Variants in ARHGAP22 observed in about 807,000 individuals in gnomAD.
The protein encoded by ARHGAP22 is Rho GTPase activating protein 22.
A neutral mutation model predicts 59.1 loss-of-function variants in ARHGAP22; 48 were observed. The observed-to-expected ratio is 0.81, with a 90% CI of 0.64 to 1.03. The LOEUF (loss-of-function observed/expected upper bound fraction) is 1.03, where lower values mean the gene tolerates loss of function less well. ARHGAP22 is among the 50% of genes least tolerant of loss of function. The probability of loss-of-function intolerance (pLI) is 0.00; values close to 1 mark genes in which losing one functional copy is unlikely to be tolerated. For missense variants in ARHGAP22, 1,015 were observed against 958.7 expected, an observed-to-expected ratio of 1.06 and a Z score of -0.78; for synonymous variants, 445 against 416.4, an observed-to-expected ratio of 1.07 and a Z score of -0.84.
At position 48,585,712 on chromosome 10, in the gene ARHGAP22, C is replaced by T. The variant is rs116349623; in HGVS notation, c.35-2560G>A. On this transcript the variant is annotated intron_variant, in intron 1 of 9. Coordinates refer to ENST00000249601, the MANE Select transcript of ARHGAP22 (RefSeq NM_021226.4). ...GTGTCAGACTGTCTAGGTCCTCACC[C>T]GCTCCACCTTGATTCTCTGTTGCTG... Among the ~76,000 whole-genome samples, 493 of 152,300 alleles carry T rather than the reference C, an allele frequency of 3.2e-3. 1 individual carries two copies. The highest frequency in any genetic ancestry group is 8.1e-3 in the South Asian group (39 of 4,828).
intron 3 of ARHGAP22, among the ~76,000 whole-genome samples, chr10:48,531,550 C>A (rs1345394099): frequency 1.3e-5 from 2 of 152,158 alleles, no homozygotes; most frequent in African/African-American, 4.8e-5. Context: ...ACTGCCTGGC[C>A]CTGACAATGT....
chr10:48,579,485 G>T (rs548623250), intron 2 of ARHGAP22, among the ~76,000 whole-genome samples: 1 of 152,228 alleles, frequency 6.6e-6, no homozygotes. Context: ...GCACTTCCAG[G>T]CTCTGCTGTG....
At chr10:48,605,237 G>A (rs369461177), upstream of ARHGAP22, 2 of 877,398 alleles carry the variant, frequency 2.3e-6, no homozygotes, top group African/African-American at 1.8e-5. Context: ...CCTTTGCTGA[G>A]GCTGGAAGAA....
downstream of ARHGAP22, among the ~76,000 whole-genome samples, chr10:48,441,488 G>C (rs1459687291): frequency 7.0e-6 from 1 of 142,814 alleles, no homozygotes; most frequent in Non-Finnish European, 1.5e-5. Context: ...GTCTCGCTCT[G>C]TCACCCAGGC....
In ARHGAP22 at chr10:48,450,524, G is replaced by A. The variant is rs550607457; in HGVS notation, c.1605C>T (p.Ser535=). Residue 535 remains serine (S), a synonymous_variant, in exon 9 of 10, where the codon AGC becomes AGT. Coordinates refer to ENST00000249601, the MANE Select transcript of ARHGAP22 (RefSeq NM_021226.4). ...SLSSCTACRA[S]DSSARSSLHT... ...GCAGGGAACTGCGGGCAGACGAGTC[G>A]CTGGCGCGGCAGGCCGTGCAGCTGC... 3.9e-6 allele frequency: 6 copies of A among 1,521,662 alleles called. No individual in the cohort carries two copies. The Admixed American group carries it at 6.1e-5, about 15-fold the overall frequency. 94.3% of individuals were successfully genotyped at this position (1,521,662 alleles called of 1,614,324 possible).
chr10:48,490,916 C>T (rs1324797475), intron 3 of ARHGAP22, among the ~76,000 whole-genome samples: 1 of 152,356 alleles, frequency 6.6e-6, no homozygotes, highest in East Asian at 1.9e-4. Context: ...TCTCTCACCT[C>T]TCCTATCCAT....
Position 48,641,231 on chromosome 10 carries a change from T to A in ARHGAP22, c.52+11003A>T, listed in dbSNP as rs182708789. On this transcript the variant is annotated intron_variant, in intron 1 of 9. Coordinates refer to the ARHGAP22 transcript ENST00000435790. ...AAAACAAATTATAAAATGGCAAATG[T>A]AAATTCAAACATATCAATAATTATA... Among the ~76,000 whole-genome samples, 195 of 152,238 alleles carry A rather than the reference T, an allele frequency of 1.3e-3. 1 individual carries two copies. The highest frequency in any genetic ancestry group is 4.5e-3 in the African/African-American group (187 of 41,542).
chr10:48,505,771 G>A (rs761772117), intron 3 of ARHGAP22, among the ~76,000 whole-genome samples: 6 of 152,192 alleles, frequency 3.9e-5, no homozygotes, highest in Non-Finnish European at 7.3e-5. Context: ...GCTGCCTGGT[G>A]GAGGCATGCT....
At chr10:48,563,187 ATTTT>A (rs558735630) in intron 2 of ARHGAP22, among the ~76,000 whole-genome samples, 13 of 104,212 alleles carry the variant, frequency 1.2e-4, no homozygotes, top group South Asian at 4.1e-4. Flanking sequence ...ATCCAGGATA[ATTTT>A]TTTTTTTTTT....
intron 1 of ARHGAP22, among the ~76,000 whole-genome samples, chr10:48,614,893 T>C (rs2061022383): frequency 6.6e-6 from 1 of 152,234 alleles, no homozygotes; most frequent in Admixed American, 6.5e-5. Flanking sequence ...TTCAAAGGCT[T>C]GCCTTCATCT....
chr10:48,531,613 T>C (rs2054852105), intron 3 of ARHGAP22, among the ~76,000 whole-genome samples: 1 of 152,182 alleles, frequency 6.6e-6, no homozygotes, highest in Non-Finnish European at 1.5e-5. Context: ...AGAGCAATCC[T>C]ATGCATTCGA....
intron 3 of ARHGAP22, among the ~76,000 whole-genome samples, chr10:48,517,300 T>C (rs1472944637): frequency 7.9e-5 from 12 of 152,150 alleles, no homozygotes; most frequent in Admixed American, 7.9e-4. Context: ...AGTGATAGGA[T>C]GTTTAGAAGA....
At chr10:48,465,715 G>C (rs147161113) in intron 4 of ARHGAP22, among the ~76,000 whole-genome samples, 1 of 152,182 alleles carries the variant, frequency 6.6e-6, no homozygotes, top group Admixed American at 6.5e-5. Context: ...TTACAGGAGC[G>C]GGCAATGACA....
intron 2 of ARHGAP22, among the ~76,000 whole-genome samples, chr10:48,561,756 A>G (rs2057700550): frequency 6.6e-6 from 1 of 152,256 alleles, no homozygotes; most frequent in Non-Finnish European, 1.5e-5. Context: ...ATTAGTAGTT[A>G]GGAAAATGCA....
At chr10:48,449,321 C>G (rs1029273719) in intron 9 of ARHGAP22, among the ~76,000 whole-genome samples, 1 of 152,222 alleles carries the variant, frequency 6.6e-6, no homozygotes, top group Non-Finnish European at 1.5e-5. Context: ...TGGCAGAGGC[C>G]TCTGCCCTCA....
intron 2 of ARHGAP22, among the ~76,000 whole-genome samples, chr10:48,579,186 G>C (rs532837562): frequency 6.6e-6 from 1 of 151,152 alleles, no homozygotes; most frequent in Non-Finnish European, 1.5e-5. Flanking sequence ...CTTAGGTTTC[G>C]GAAGTTATAC....
At chr10:48,459,261 G>A (rs1370904344) in intron 5 of ARHGAP22, among the ~76,000 whole-genome samples, 1 of 152,216 alleles carries the variant, frequency 6.6e-6, no homozygotes, top group Admixed American at 6.5e-5. Flanking sequence ...CCCAAAAGGA[G>A]GGGAGCCGAG....
At chr10:48,537,929 A>T (rs1473147370) in intron 3 of ARHGAP22, among the ~76,000 whole-genome samples, 1 of 152,174 alleles carries the variant, frequency 6.6e-6, no homozygotes, top group African/African-American at 2.4e-5. Flanking sequence ...GAGAGTGTGG[A>T]CTGGATTCCA....
chr10:48,523,610 T>C (rs1207127689), intron 3 of ARHGAP22, among the ~76,000 whole-genome samples: 1 of 152,178 alleles, frequency 6.6e-6, no homozygotes, highest in African/African-American at 2.4e-5. Context: ...ATGGTCCCTC[T>C]CCCGGCAGTT....
Sources: gnomAD v4.1 joint callset for allele counts (sites outside exome capture counted in the v4.1 genomes callset) on GRCh38, gnomAD v4.1.1 for gene constraint, MANE v1.5 for transcripts, NCBI Gene and HGNC (gene_info 2026-07-23, HGNC 2026-07-21) for gene names.